The following KCNQ1 variants were observed in gnomAD, a reference collection of about 807,000 sequenced individuals.
The protein encoded by KCNQ1 is potassium voltage-gated channel subfamily Q member 1, also known as potassium voltage-gated channel subfamily KQT member 1.
In KCNQ1, 49 loss-of-function variants were observed where a neutral mutation model predicts 72.4. The observed-to-expected ratio is 0.68, with a 90% CI of 0.54 to 0.86. The LOEUF (loss-of-function observed/expected upper bound fraction) is 0.86, where lower values mean the gene tolerates loss of function less well. Among genes scored for constraint, KCNQ1 ranks in the 40% least tolerant of loss-of-function variants. KCNQ1 has a pLI of 0.00. For missense variants in KCNQ1, 790 were observed against 945.1 expected (o/e 0.84, Z 2.15); for synonymous variants, 450 against 412.6 (o/e 1.09, Z -1.10).
In KCNQ1 at chr11:2,700,474, G is replaced by A. The variant is rs1850787024; in HGVS notation, c.1514+38393G>A. ...GGCGTCCAGGCCACGCCCGAGACCA[G>A]CCCCTCCGCCGGCGCCGCTGCAGCG... is the stretch of plus-strand genomic sequence containing the variant. On this transcript the variant is annotated intron_variant, in intron 11 of 15. Transcript: ENST00000155840. Among the ~76,000 whole-genome samples the A allele has an allele frequency of 2.0e-5, 3 of 152,114 alleles. No individual in the cohort carries two copies. In the South Asian group the frequency reaches 6.2e-4, roughly 31 times the overall value.
Position 2,451,516 on chromosome 11 carries a change from G to T in KCNQ1, c.386+6032G>T, listed in dbSNP as rs886412355. ...ACTGTCATTGCCCTTGGAGGGTTCTGAGCACTGGAAGGACCTGGCTGTGGT... is the reference window on the plus strand; with the variant it reads ...ACTGTCATTGCCCTTGGAGGGTTCTTAGCACTGGAAGGACCTGGCTGTGGT... On this transcript the variant is annotated intron_variant, in intron 1 of 15. Transcript: ENST00000155840. This position sits in a 1 kb window ranked among gnomAD's most constrained non-coding sequence, Gnocchi z 6.4. 6.6e-6 allele frequency among the ~76,000 whole-genome samples: 1 copy of T among 152,202 alleles called. No homozygotes were observed. The highest frequency in any genetic ancestry group is 2.4e-5 in the African/African-American group (1 of 41,442).
At chr11:2,619,910 G>C (rs993422368) in intron 10 of KCNQ1, 10 of 398,096 alleles carry the variant, frequency 2.5e-5, no homozygotes, top group Non-Finnish European at 4.4e-5. Context: ...TATGTTGCAT[G>C]GTATATGGAG....
rs1849872539 is a variant in KCNQ1 at position 2,657,616 on chromosome 11, G to T, written c.1394-4345G>T. The T allele has an allele frequency of 2.5e-6, 1 of 398,394 alleles. No homozygotes were observed. Among genetic ancestry groups the T allele is most frequent in the Non-Finnish European group, 4.4e-6 (1 of 226,036 alleles). 24.7% of individuals were successfully genotyped at this position (398,394 alleles called of 1,614,324 possible). A position where few individuals can be genotyped will look rare whatever the true frequency, so the allele number is the denominator to read the frequency against. ...GACCAAAACTAAAAAATTAACATTG[G>T]TACACTATTAAGCTAGAGTTATAAA... On this transcript the variant is annotated intron_variant, in intron 10 of 15. Transcript: ENST00000155840. This position sits in a 1 kb window ranked among gnomAD's most constrained non-coding sequence, Gnocchi z 4.8.
At chr11:2,794,299 C>T (rs1847087469) in intron 15 of KCNQ1, among the ~76,000 whole-genome samples, 1 of 152,218 alleles carries the variant, frequency 6.6e-6, no homozygotes, top group Admixed American at 6.5e-5. Context: ...GAGAAGGACC[C>T]CGAGCTTCTG....
Position 2,642,978 on chromosome 11 carries a change from C to T in KCNQ1, c.1394-18983C>T. 2.5e-6 allele frequency: 1 copy of T among 397,824 alleles called. No homozygotes were observed. The highest frequency in any genetic ancestry group is 4.4e-6 in the Non-Finnish European group (1 of 225,656). The allele number at this position is 397,824 out of a possible 1,614,324, so 24.6% of individuals were successfully genotyped here. On this transcript the variant is annotated intron_variant, in intron 10 of 15. Coordinates refer to ENST00000155840, the MANE Select transcript of KCNQ1 (RefSeq NM_000218.3). The surrounding 1 kb of genome is among the most constrained non-coding windows in gnomAD (Gnocchi z 4.3). ...TATTTATACAGTTTTGAATGCTCCT[C>T]TTATTTATTTATAGTTTTATGCTAT... is the stretch of plus-strand genomic sequence containing the variant.
chr11:2,573,674 G>T (rs543801547), intron 6 of KCNQ1, among the ~76,000 whole-genome samples: 1 of 152,170 alleles, frequency 6.6e-6, no homozygotes, highest in Non-Finnish European at 1.5e-5. Flanking sequence ...AGAGCAGCCC[G>T]GGAGCCTTGG....
rs973483507 is a variant in KCNQ1 at position 2,743,154 on chromosome 11, T to G, written c.1515-25690T>G. On this transcript the variant is annotated intron_variant, in intron 11 of 15. Coordinates refer to ENST00000155840, the MANE Select transcript of KCNQ1 (RefSeq NM_000218.3). ...GGGCCTGGAGACCCAGTTGTCATGT[T>G]TGAGAGGGAAGGGGCATTCCCAGAA... Among the ~76,000 whole-genome samples the G allele has an allele frequency of 2.0e-5, 3 of 152,184 alleles. No individual in the cohort carries two copies. In the South Asian group the frequency reaches 6.2e-4, roughly 31 times the overall value.
chr11:2,458,462 T>C lies in KCNQ1; in HGVS notation c.386+12978T>C, dbSNP rs568194837. Reference sequence around the variant, plus strand: ...TAGCTGATGGGGTTGCGTCCTTCTTTGGGACTCCCGCAGATGCCTGAGGCG... The same window carrying C: ...TAGCTGATGGGGTTGCGTCCTTCTTCGGGACTCCCGCAGATGCCTGAGGCG... On this transcript the variant is annotated intron_variant, in intron 1 of 15. Coordinates refer to ENST00000155840, the MANE Select transcript of KCNQ1 (RefSeq NM_000218.3). This position sits in a 1 kb window ranked among gnomAD's most constrained non-coding sequence, Gnocchi z 4.6. Among the ~76,000 whole-genome samples the C allele has an allele frequency of 6.6e-6, 1 of 152,342 alleles. No homozygotes were observed. The highest frequency in any genetic ancestry group is 1.9e-4 in the East Asian group (1 of 5,186).
At position 2,591,997 on chromosome 11, in the gene KCNQ1, C is replaced by A. The variant is rs532867565; in HGVS notation, c.1393+3143C>A. Among the ~76,000 whole-genome samples the A allele has an allele frequency of 2.0e-5, 3 of 152,374 alleles. No homozygotes were observed. The South Asian group carries it at 6.2e-4, about 32-fold the overall frequency. On this transcript the variant is annotated intron_variant, in intron 10 of 15. Coordinates refer to ENST00000155840, the MANE Select transcript of KCNQ1 (RefSeq NM_000218.3). Reference sequence around the variant, plus strand: ...CTCCTGGGGAAGCCCCACAGCCCCACTCCCGCAAGGCGGGTACGAACAGCC... The same window carrying A: ...CTCCTGGGGAAGCCCCACAGCCCCAATCCCGCAAGGCGGGTACGAACAGCC...
chr11:2,632,194 A>AAG (rs1849368008), intron 10 of KCNQ1: 2 of 397,856 alleles, frequency 5.0e-6, no homozygotes, highest in East Asian at 3.6e-5. Context: ...AAAAAAAAAA[A>AAG]AAAAAAAAAG....
chr11:2,796,093 G>A (rs185765771), intron 15 of KCNQ1, among the ~76,000 whole-genome samples: 85 of 152,356 alleles, frequency 5.6e-4, no homozygotes, highest in African/African-American at 2.0e-3. Context: ...CAGCAGCCTA[G>A]AACCGACACG....
intron 1 of KCNQ1, among the ~76,000 whole-genome samples, chr11:2,519,456 T>C (rs1485687922): frequency 6.6e-6 from 1 of 152,162 alleles, no homozygotes; most frequent in African/African-American, 2.4e-5. Context: ...AATTATGTTT[T>C]AAAAATTAAG....
intron 6 of KCNQ1, among the ~76,000 whole-genome samples, chr11:2,578,441 G>A (rs534651275): frequency 1.3e-5 from 2 of 152,334 alleles, no homozygotes; most frequent in East Asian, 1.9e-4. Context: ...ATCGTGCCAC[G>A]AGAGGGGACA....
chr11:2,709,044 C>T (rs1160631711), intron 11 of KCNQ1, among the ~76,000 whole-genome samples: 1 of 152,054 alleles, frequency 6.6e-6, no homozygotes, highest in Non-Finnish European at 1.5e-5. Flanking sequence ...GTGCAAATTA[C>T]CTTTGGGGCT....
chr11:2,511,815 G>C (rs1847210002), intron 1 of KCNQ1, among the ~76,000 whole-genome samples: 1 of 152,232 alleles, frequency 6.6e-6, no homozygotes, highest in African/African-American at 2.4e-5. Context: ...GGAGCCCAGG[G>C]GAGGGGGTGC....
rs187056749 is a variant in KCNQ1 at position 2,659,956 on chromosome 11, G to A, written c.1394-2005G>A. On this transcript the variant is annotated intron_variant, in intron 10 of 15. Transcript: ENST00000155840. This position sits in a 1 kb window ranked among gnomAD's most constrained non-coding sequence, Gnocchi z 4.3. ...TGAGTGCAAGTCCTTGACCTGATAG[G>A]TGATATGCAAATATTCTTTCCAAGT... The A allele has an allele frequency of 1.0e-5, 4 of 398,388 alleles. No individual in the cohort carries two copies. Among genetic ancestry groups the A allele is most frequent in the Non-Finnish European group, 1.8e-5 (4 of 225,970 alleles). The allele number at this position is 398,388 out of a possible 1,614,324, so 24.7% of individuals were successfully genotyped here.
chr11:2,588,806 G>A lies in KCNQ1; in HGVS notation c.1345G>A (p.Glu449Lys), dbSNP rs372583676. ...TVPHITCDPP[E>K]ERRLDHFSVD... ...CCCCCATATCACGTGCGACCCCCCA[G>A]AAGAGCGGCGGCTGGACCACTTCTC... Residue 449 changes from glutamate to lysine, a missense_variant, in exon 10 of 16, where the codon GAA becomes AAA. Glu to Lys is a moderately conservative substitution (Grantham distance 56, BLOSUM62 1). Coordinates refer to ENST00000155840, the MANE Select transcript of KCNQ1 (RefSeq NM_000218.3). The surrounding 1 kb of genome is among the most constrained non-coding windows in gnomAD (Gnocchi z 5.6). 7.4e-6 allele frequency: 12 copies of A among 1,613,306 alleles called. No individual in the cohort carries two copies. In the African/African-American group the frequency reaches 1.6e-4, roughly 22 times the overall value.
At chr11:2,697,662 GAATTAC>G (rs1423465681) in intron 11 of KCNQ1, 1 of 398,366 alleles carries the variant, frequency 2.5e-6, no homozygotes, top group Admixed American at 4.4e-5. Context: ...CTCTTAATGT[GAATTAC>G]ATGGATAAAG....
chr11:2,487,469 T>C (rs1333706144), intron 1 of KCNQ1, among the ~76,000 whole-genome samples: 1 of 152,216 alleles, frequency 6.6e-6, no homozygotes, highest in Admixed American at 6.5e-5. Context: ...TTGGGTAGTA[T>C]TGATATCTCA....
Sources: allele counts gnomAD v4.1 joint callset (sites outside exome capture counted in the v4.1 genomes callset), GRCh38; gene constraint gnomAD v4.1.1; non-coding constraint Gnocchi (gnomAD v3.1); transcripts MANE v1.5; gene names NCBI Gene and HGNC (gene_info 2026-07-23, HGNC 2026-07-21).